The following EYS variants were observed in gnomAD, a reference collection of about 807,000 sequenced individuals.
EYS encodes the protein EGF-like photoreceptor maintenance factor, also known as protein eyes shut homolog.
In EYS, 250 loss-of-function variants were observed where a neutral mutation model predicts 282.1. The observed-to-expected ratio is 0.89, with a 90% confidence interval of 0.80 to 0.98. The LOEUF is 0.98. Among genes scored for constraint, EYS ranks in the 50% least tolerant of loss-of-function variants. The pLI is 0.00. For synonymous variants in EYS, 1,355 were observed against 1,282.9 expected (o/e 1.06, Z -1.20); for missense variants, 4,016 against 3,709.0 (o/e 1.08, Z -2.15).
intron 26 of EYS, among the ~76,000 whole-genome samples, chr6:64,492,217 T>A (rs1465375334): frequency 6.6e-6 from 1 of 151,152 alleles, no homozygotes; most frequent in East Asian, 1.9e-4. Context: ...AGGTAAATTG[T>A]CAAAAGTTCA....
chr6:63,973,962 GA>G (rs1200306704), intron 35 of EYS, among the ~76,000 whole-genome samples: 2 of 131,820 alleles, frequency 1.5e-5, no homozygotes, highest in African/African-American at 2.8e-5. Context: ...AATGGGCCAG[GA>G]AAAAAATGTA....
At chr6:64,112,246 T>C (rs956996364) in intron 31 of EYS, among the ~76,000 whole-genome samples, 3 of 152,070 alleles carry the variant, frequency 2.0e-5, no homozygotes, top group Non-Finnish European at 4.4e-5. Flanking sequence ...ATTTTCTCAG[T>C]GATAGAATCA....
At chr6:65,545,067 C>A (rs1768331212) in intron 2 of EYS, among the ~76,000 whole-genome samples, 1 of 151,892 alleles carries the variant, frequency 6.6e-6, no homozygotes, top group Non-Finnish European at 1.5e-5. Flanking sequence ...TTACATTTTA[C>A]TGGAAAATAA....
At chr6:65,118,960 A>G (rs9453190) in intron 12 of EYS, among the ~76,000 whole-genome samples, 39,408 of 151,644 alleles carry the variant, frequency 0.26, 6,270 homozygotes, top group African/African-American at 0.44. Context: ...GTTTGTTAAT[A>G]TATAAAATGT....
intron 29 of EYS, among the ~76,000 whole-genome samples, chr6:64,376,129 C>T (rs1343756276): frequency 1.3e-5 from 2 of 152,116 alleles, no homozygotes; most frequent in Non-Finnish European, 2.9e-5. Flanking sequence ...GGACAGAAGA[C>T]AAAGTGCTGA....
intron 35 of EYS, among the ~76,000 whole-genome samples, chr6:63,870,628 T>A (rs6454470): frequency 0.37 from 55,641 of 151,920 alleles, 10,662 homozygotes; most frequent in South Asian, 0.47. Context: ...AATTTAGAGG[T>A]GTTCTTGCTT....
chr6:64,185,249 T>C (rs1764899458), intron 31 of EYS, among the ~76,000 whole-genome samples: 1 of 152,198 alleles, frequency 6.6e-6, no homozygotes, highest in African/African-American at 2.4e-5. Flanking sequence ...TGTCCACCAA[T>C]ACAGGAAGAC....
chr6:64,590,678 C>A lies in EYS; in HGVS notation c.5189G>T (p.Gly1730Val). The change falls in exon 26 of 43, where the codon GGA (glycine) becomes GTA (valine). Residue 1730 changes from glycine to valine, a missense_variant. Physicochemically the swap from Gly to Val is moderately radical, Grantham distance 109 (BLOSUM62 -3). Transcript: ENST00000503581. ...GTGAAGTTTGAACAGTGTATGAGAT[C>A]CTTTACTTTTTTCCATGTCCAATAA... The part of the protein sequence containing the change: ...ESLLDMEKSK[G>V]SHTLFKLHPS... 6.4e-7 allele frequency: 1 copy of A among 1,551,220 alleles called. No homozygotes were observed. Among genetic ancestry groups the A allele is most frequent in the Non-Finnish European group, 8.7e-7 (1 of 1,146,722 alleles).
intron 36 of EYS, among the ~76,000 whole-genome samples, chr6:63,845,958 G>C (rs555237000): frequency 5.6e-4 from 86 of 152,260 alleles, no homozygotes; most frequent in Non-Finnish European, 1.1e-3. Flanking sequence ...AAACGCAGAA[G>C]CTCAGAATTC....
At chr6:65,675,700 T>G (rs1051808661) in intron 1 of EYS, among the ~76,000 whole-genome samples, 1 of 151,860 alleles carries the variant, frequency 6.6e-6, no homozygotes, top group Non-Finnish European at 1.5e-5. Context: ...AACCAGATAG[T>G]TGACCAATAA....
chr6:64,131,040 G>A (rs1388734997), intron 31 of EYS, among the ~76,000 whole-genome samples: 2 of 152,038 alleles, frequency 1.3e-5, no homozygotes, highest in African/African-American at 4.8e-5. Context: ...GCTAATTTTT[G>A]TATTTTTAGT....
chr6:65,664,140 G>C (rs1193300042), intron 1 of EYS, among the ~76,000 whole-genome samples: 1 of 152,072 alleles, frequency 6.6e-6, no homozygotes, highest in Non-Finnish European at 1.5e-5. Context: ...AAAGTGCCGG[G>C]ATTACAGGCA....
At chr6:64,924,459 A>G (rs1321328807) in intron 15 of EYS, among the ~76,000 whole-genome samples, 2 of 152,200 alleles carry the variant, frequency 1.3e-5, no homozygotes, top group Non-Finnish European at 2.9e-5. Context: ...GGTCTTCGGC[A>G]TTAACATTAG....
intron 31 of EYS, among the ~76,000 whole-genome samples, chr6:64,109,840 CA>C (rs1312439567): frequency 6.6e-6 from 1 of 151,986 alleles, no homozygotes; most frequent in African/African-American, 2.4e-5. Flanking sequence ...ACCATGAGTA[CA>C]AAAACACTTG....
At chr6:64,017,967 A>G (rs1016828793) in intron 33 of EYS, among the ~76,000 whole-genome samples, 1 of 152,200 alleles carries the variant, frequency 6.6e-6, no homozygotes, top group African/African-American at 2.4e-5. Flanking sequence ...ATTATTTTGT[A>G]TAAGAAATAA....
chr6:65,156,062 T>A (rs1479208415), intron 12 of EYS, among the ~76,000 whole-genome samples: 2 of 151,358 alleles, frequency 1.3e-5, no homozygotes, highest in Non-Finnish European at 3.0e-5. Context: ...TAACACAAGC[T>A]AAGTTGGTGA....
intron 35 of EYS, among the ~76,000 whole-genome samples, chr6:63,899,534 A>G (rs1170452459): frequency 1.3e-5 from 2 of 152,168 alleles, no homozygotes; most frequent in Non-Finnish European, 2.9e-5. Context: ...GCAGCTAGTA[A>G]ACTACTTACT....
chr6:63,923,333 C>T (rs1235412574), intron 35 of EYS, among the ~76,000 whole-genome samples: 1 of 152,046 alleles, frequency 6.6e-6, no homozygotes, highest in Non-Finnish European at 1.5e-5. Flanking sequence ...TACTACCCAC[C>T]ATACACTAGG....
intron 2 of EYS, among the ~76,000 whole-genome samples, chr6:65,593,290 A>G (rs576596737): frequency 1.4e-4 from 21 of 152,054 alleles, no homozygotes; most frequent in Non-Finnish European, 2.5e-4. Context: ...GGAAAAAACC[A>G]TATTCTTCAG....
Sources: allele counts gnomAD v4.1 joint callset (sites outside exome capture counted in the v4.1 genomes callset), GRCh38; gene constraint gnomAD v4.1.1; transcripts MANE v1.5; gene names NCBI Gene and HGNC (gene_info 2026-07-23, HGNC 2026-07-21).